USP37: variants seen among roughly 807,000 people sequenced by gnomAD.
The protein encoded by USP37 is ubiquitin specific peptidase 37, also known as ubiquitin carboxyl-terminal hydrolase 37.
A neutral mutation model predicts 124.0 loss-of-function variants in USP37; 27 were observed. The observed-to-expected ratio is 0.22, with a 90% CI of 0.16 to 0.30. The LOEUF (loss-of-function observed/expected upper bound fraction) is 0.30, where lower values mean the gene tolerates loss of function less well. Ranked by LOEUF, USP37 falls within the 10% of genes least tolerant of loss-of-function variation. The probability of loss-of-function intolerance (pLI) is 1.00; values close to 1 mark genes in which losing one functional copy is unlikely to be tolerated. For missense variants in USP37, 889 were observed against 1,140.4 expected, an observed-to-expected ratio of 0.78 and a Z score of 3.17; for synonymous variants, 365 against 388.0, an observed-to-expected ratio of 0.94 and a Z score of 0.70.
intron 11 of USP37, among the ~76,000 whole-genome samples, chr2:218,503,028 C>A (rs997193332): frequency 1.3e-5 from 2 of 152,126 alleles, no homozygotes; most frequent in Non-Finnish European, 2.9e-5. Flanking sequence ...CACATTATCA[C>A]GTTAGAGTTC....
intron 15 of USP37, among the ~76,000 whole-genome samples, chr2:218,487,168 T>C (rs34104881): frequency 0.042 from 6,401 of 152,290 alleles, 170 homozygotes; most frequent in East Asian, 0.12. Context: ...AACAGTCTGA[T>C]TATGCCCCAG....
chr2:218,455,105 T>C, intron 25 of USP37, 88 bp from the exon 26 acceptor site: 1 of 1,474,308 alleles, frequency 6.8e-7, no homozygotes. Context: ...ATAAAATTGA[T>C]ATGGATAAGG....
chr2:218,483,004 T>C (rs1691346700), intron 16 of USP37, among the ~76,000 whole-genome samples: 1 of 152,102 alleles, frequency 6.6e-6, no homozygotes, highest in Admixed American at 6.6e-5. Context: ...CACACAAAAA[T>C]GATCTATAAA....
intron 8 of USP37, among the ~76,000 whole-genome samples, chr2:218,544,943 G>A (rs983631900): frequency 3.9e-5 from 6 of 152,124 alleles, no homozygotes; most frequent in South Asian, 2.1e-4. Flanking sequence ...TGAGGGGCAT[G>A]GTCCAAGGTA....
chr2:218,458,253 T>TA (rs33911503), intron 23 of USP37, among the ~76,000 whole-genome samples: 32,980 of 70,980 alleles, frequency 0.46, 7,832 homozygotes, highest in East Asian at 0.69. Context: ...AGACCTTGCC[T>TA]AAAAAAAAAA....
chr2:218,469,976 AT>A (rs1378824354), intron 20 of USP37, among the ~76,000 whole-genome samples: 1 of 151,882 alleles, frequency 6.6e-6, no homozygotes, highest in Non-Finnish European at 1.5e-5. Flanking sequence ...GACCGCCACC[AT>A]GCCTGGCTAA....
rs1357625681 is a variant in USP37, at chr2:218,451,626, CAGA to C, written c.*3301_*3303del. Reference sequence around the variant, plus strand: ...TACATAATGGTAACTACACACGATACAGAAGAATCAGTAAATTCATGGATTATT... The same window carrying C: ...TACATAATGGTAACTACACACGATACAGAATCAGTAAATTCATGGATTATT... On this transcript the variant is annotated 3_prime_UTR_variant, in exon 26 of 26. Coordinates refer to ENST00000258399, the MANE Select transcript of USP37 (RefSeq NM_020935.3). 2.0e-5 allele frequency: 3 copies of C among 151,866 alleles called. No individual in the cohort carries two copies. The highest frequency in any genetic ancestry group is 7.3e-5 in the African/African-American group (3 of 41,346). 9.4% of individuals were successfully genotyped at this position (151,866 alleles called of 1,614,324 possible). A position where few individuals can be genotyped will look rare whatever the true frequency, so the allele number is the denominator to read the frequency against.
intron 3 of USP37, 180 bp from the exon 4 acceptor site, chr2:218,558,857 T>C (rs186305242): frequency 2.0e-4 from 87 of 445,286 alleles, no homozygotes; most frequent in Non-Finnish European, 5.1e-5. Context: ...CTACATTTTG[T>C]ATCATTCACA....
chr2:218,560,684 G>A (rs1000726352), intron 3 of USP37, 136 bp downstream of exon 3: 8 of 152,094 alleles, frequency 5.3e-5, no homozygotes, highest in Non-Finnish European at 1.2e-4. Flanking sequence ...TAGAAATAGC[G>A]AACCTAGCAT....
At chr2:218,534,773 G>T in intron 8 of USP37, 67 bp from the exon 9 acceptor site, 1 of 1,058,064 alleles carries the variant, frequency 9.5e-7, no homozygotes. Context: ...ATTTTAAATA[G>T]TTGTCATTAA....
intron 17 of USP37, 33 bp from the exon 18 acceptor site, chr2:218,479,748 C>T: frequency 7.9e-7 from 1 of 1,264,972 alleles, no homozygotes; most frequent in Non-Finnish European, 1.1e-6. Flanking sequence ...ATAATGTATA[C>T]AAATGAATTA....
At chr2:218,521,475 GC>G (rs1690616685) in intron 10 of USP37, among the ~76,000 whole-genome samples, 1 of 151,942 alleles carries the variant, frequency 6.6e-6, no homozygotes, top group Non-Finnish European at 1.5e-5. Flanking sequence ...TTGTCCTAAT[GC>G]CCTCCCCTCC....
intron 9 of USP37, among the ~76,000 whole-genome samples, chr2:218,533,225 G>A (rs1691433238): frequency 1.3e-5 from 2 of 151,680 alleles, no homozygotes; most frequent in African/African-American, 4.8e-5. Context: ...ATTTTTTAAC[G>A]ATTTAAAAAA....
chr2:218,529,119 C>T (rs1338747220), intron 10 of USP37, among the ~76,000 whole-genome samples: 6 of 152,128 alleles, frequency 3.9e-5, no homozygotes, highest in African/African-American at 1.2e-4. Context: ...CAAAACTTCC[C>T]AGAGCCAGGT....
chr2:218,520,588 G>T (rs1394889287), intron 10 of USP37, among the ~76,000 whole-genome samples: 1 of 151,212 alleles, frequency 6.6e-6, no homozygotes, highest in Non-Finnish European at 1.5e-5. Context: ...CCGACCTCGG[G>T]TGATCGGCCC....
At chr2:218,482,651 T>A (rs1691324583) in intron 16 of USP37, among the ~76,000 whole-genome samples, 1 of 152,236 alleles carries the variant, frequency 6.6e-6, no homozygotes, top group Non-Finnish European at 1.5e-5. Context: ...TTATATTTGA[T>A]GGTAAACATT....
At chr2:218,501,249 A>T (rs1050974318) in intron 11 of USP37, among the ~76,000 whole-genome samples, 1 of 151,890 alleles carries the variant, frequency 6.6e-6, no homozygotes, top group Non-Finnish European at 1.5e-5. Context: ...CATGTTACCA[A>T]GGCTGGTTTT....
chr2:218,531,582 A>G (rs764049257), intron 9 of USP37, among the ~76,000 whole-genome samples: 4 of 152,236 alleles, frequency 2.6e-5, no homozygotes, highest in Non-Finnish European at 5.9e-5. Flanking sequence ...AAGTCTTACT[A>G]TTTAAGAAAT....
At chr2:218,537,561 T>G (rs1691723591) in intron 8 of USP37, among the ~76,000 whole-genome samples, 1 of 152,198 alleles carries the variant, frequency 6.6e-6, no homozygotes, top group African/African-American at 2.4e-5. Flanking sequence ...CAGGTGACCA[T>G]AAATTCATAA....
Sources: allele counts gnomAD v4.1 joint callset (sites outside exome capture counted in the v4.1 genomes callset), GRCh38; gene constraint gnomAD v4.1.1; transcripts MANE v1.5; gene names NCBI Gene and HGNC (gene_info 2026-07-23, HGNC 2026-07-21).